MYO1D: variants seen among roughly 807,000 people sequenced by gnomAD.
MYO1D encodes unconventional myosin-Id.
Under a neutral mutation model 122.0 loss-of-function variants are expected in MYO1D, and 83 were observed. That is an observed-to-expected ratio of 0.68 (90% CI 0.57 to 0.82). The LOEUF (loss-of-function observed/expected upper bound fraction) is 0.82, where lower values mean the gene tolerates loss of function less well. Among genes scored for constraint, MYO1D ranks in the 40% least tolerant of loss-of-function variants. The pLI, the probability that MYO1D is intolerant of heterozygous loss-of-function variation, is 0.00. For synonymous variants in MYO1D, 464 were observed against 446.9 expected, an observed-to-expected ratio of 1.04 and a Z score of -0.48; for missense variants, 1,157 against 1,269.5, an observed-to-expected ratio of 0.91 and a Z score of 1.35.
chr17:32,806,770 G>T lies in MYO1D; in HGVS notation c.96-25986C>A, dbSNP rs559888746. Among the ~76,000 whole-genome samples, 33 of 152,280 alleles carry T rather than the reference G, an allele frequency of 2.2e-4. No homozygotes were observed. The South Asian group carries it at 6.4e-3, about 30-fold the overall frequency. Reference sequence around the variant, plus strand: ...TTACTATGTTTTTATAGCTCCAAGGGTGTTTGGCTTTCCAAGGTGTTGCTA... The same window carrying T: ...TTACTATGTTTTTATAGCTCCAAGGTTGTTTGGCTTTCCAAGGTGTTGCTA... On this transcript the variant is annotated intron_variant, in intron 1 of 21. Coordinates refer to ENST00000318217, the MANE Select transcript of MYO1D (RefSeq NM_015194.3).
intron 16 of MYO1D, among the ~76,000 whole-genome samples, chr17:32,676,376 A>G (rs1206155008): frequency 6.8e-6 from 1 of 147,454 alleles, no homozygotes; most frequent in African/African-American, 2.5e-5. Flanking sequence ...TGTCCATAAC[A>G]TGTTCATTAC....
chr17:32,857,725 T>A (rs1170110406), intron 1 of MYO1D, among the ~76,000 whole-genome samples: 4 of 152,104 alleles, frequency 2.6e-5, no homozygotes, highest in African/African-American at 9.7e-5. Flanking sequence ...CATACCTAAG[T>A]CTTATTCACA....
At chr17:32,829,042 AG>A (rs2090749207) in intron 1 of MYO1D, among the ~76,000 whole-genome samples, 1 of 152,258 alleles carries the variant, frequency 6.6e-6, no homozygotes, top group Admixed American at 6.5e-5. Flanking sequence ...GGAGAAAATA[AG>A]TTAGGAACAA....
chr17:32,581,543 C>T (rs192106929), intron 21 of MYO1D, among the ~76,000 whole-genome samples: 1 of 151,182 alleles, frequency 6.6e-6, no homozygotes, highest in African/African-American at 2.4e-5. Context: ...CTTCCTCTCT[C>T]TCTCTCTCTT....
At chr17:32,739,061 T>A (rs979966797) in intron 13 of MYO1D, among the ~76,000 whole-genome samples, 15 of 152,190 alleles carry the variant, frequency 9.9e-5, no homozygotes, top group African/African-American at 3.6e-4. Context: ...AAATTGTATA[T>A]TCATAATTTT....
chr17:32,865,651 A>C (rs2050416265), intron 1 of MYO1D, among the ~76,000 whole-genome samples: 1 of 152,224 alleles, frequency 6.6e-6, no homozygotes, highest in Non-Finnish European at 1.5e-5. Context: ...ACTAGAGTTA[A>C]TGCTTTAATC....
At chr17:32,757,027 G>A (rs934642410) in intron 10 of MYO1D, among the ~76,000 whole-genome samples, 11 of 152,066 alleles carry the variant, frequency 7.2e-5, no homozygotes, top group African/African-American at 2.7e-4. Flanking sequence ...CCCATCTTAC[G>A]CAGGAGTTAC....
intron 16 of MYO1D, among the ~76,000 whole-genome samples, chr17:32,683,769 G>A (rs1368193009): frequency 1.3e-5 from 2 of 152,180 alleles, no homozygotes; most frequent in African/African-American, 4.8e-5. Context: ...GAACTGTGGT[G>A]GGCTCCACCC....
intron 20 of MYO1D, among the ~76,000 whole-genome samples, chr17:32,624,151 A>G (rs144606467): frequency 1.3e-5 from 2 of 152,204 alleles, no homozygotes; most frequent in African/African-American, 4.8e-5. Context: ...AGAATAGATA[A>G]GTGGTTCTCA....
At chr17:32,719,289 G>T (rs2089481470) in intron 15 of MYO1D, among the ~76,000 whole-genome samples, 1 of 151,250 alleles carries the variant, frequency 6.6e-6, no homozygotes, top group Non-Finnish European at 1.5e-5. Context: ...CTTACTGAAG[G>T]CACTGTCATC....
intron 21 of MYO1D, among the ~76,000 whole-genome samples, chr17:32,565,463 A>T (rs2087164201): frequency 6.6e-6 from 1 of 152,178 alleles, no homozygotes; most frequent in African/African-American, 2.4e-5. Context: ...ACCTGGTGAA[A>T]GTGGCTGCTC....
intron 16 of MYO1D, among the ~76,000 whole-genome samples, chr17:32,677,030 T>C (rs1279588142): frequency 2.6e-5 from 4 of 152,142 alleles, no homozygotes; most frequent in Admixed American, 2.6e-4. Flanking sequence ...CAGGATGGTC[T>C]TGATCTCCTG....
intron 16 of MYO1D, among the ~76,000 whole-genome samples, chr17:32,660,868 C>CA (rs940272171): frequency 1.3e-5 from 2 of 151,974 alleles, no homozygotes; most frequent in Admixed American, 6.5e-5. Flanking sequence ...CTTGAAAAGC[C>CA]AAAAAAATAC....
rs535989994 is a variant in MYO1D, at chr17:32,511,749, G to A, written c.2865-16834C>T. 5.3e-5 allele frequency among the ~76,000 whole-genome samples: 8 copies of A among 152,180 alleles called. No homozygotes were observed. The South Asian group carries it at 1.7e-3, about 32-fold the overall frequency. On this transcript the variant is annotated intron_variant, in intron 21 of 21. Transcript: ENST00000318217. ...TTCTATTCACATCATTAATGAAGGT[G>A]CTAAATAAGACTGGACTGAACATGC...
intron 1 of MYO1D, among the ~76,000 whole-genome samples, chr17:32,859,283 G>C (rs2091050951): frequency 1.3e-5 from 2 of 152,120 alleles, no homozygotes; most frequent in African/African-American, 4.8e-5. Flanking sequence ...ATGACCATGA[G>C]AAACCTGACT....
intron 1 of MYO1D, among the ~76,000 whole-genome samples, chr17:32,839,331 T>C (rs1424890862): frequency 1.3e-5 from 2 of 152,212 alleles, no homozygotes; most frequent in Admixed American, 6.5e-5. Context: ...AAGAAAAAAC[T>C]TCAACCTGAA....
intron 1 of MYO1D, among the ~76,000 whole-genome samples, chr17:32,819,666 T>C (rs2090643612): frequency 6.6e-6 from 1 of 152,240 alleles, no homozygotes; most frequent in Non-Finnish European, 1.5e-5. Flanking sequence ...CTTTAGTTTC[T>C]ACTAGTAACT....
intron 7 of MYO1D, among the ~76,000 whole-genome samples, chr17:32,765,679 C>T (rs1272658379): frequency 3.9e-5 from 6 of 152,024 alleles, no homozygotes; most frequent in African/African-American, 1.2e-4. Context: ...AGGATGGTCT[C>T]GACCTCCTGA....
intron 19 of MYO1D, among the ~76,000 whole-genome samples, chr17:32,653,295 G>T (rs1567931135): frequency 2.7e-5 from 4 of 148,046 alleles, no homozygotes; most frequent in African/African-American, 7.4e-5. Context: ...TAGTTTTTTT[G>T]TTTTTTTTTT....
Sources: allele counts gnomAD v4.1 joint callset (sites outside exome capture counted in the v4.1 genomes callset), GRCh38; gene constraint gnomAD v4.1.1; transcripts MANE v1.5; gene names NCBI Gene and HGNC (gene_info 2026-07-23, HGNC 2026-07-21).